The following HK3 variants were observed in gnomAD, a reference collection of about 807,000 sequenced individuals.
HK3 encodes hexokinase 3.
A neutral mutation model predicts 91.0 loss-of-function variants in HK3; 93 were observed. The ratio of observed to expected loss-of-function variants is 1.02; its 90% CI spans 0.86 to 1.21. The LOEUF (loss-of-function observed/expected upper bound fraction) is 1.21, where lower values mean the gene tolerates loss of function less well. HK3 is among the 50% of genes most tolerant of loss of function. HK3 has a pLI of 0.00. For synonymous variants in HK3, 519 were observed against 516.9 expected (o/e 1.00, Z -0.06); for missense variants, 1,235 against 1,247.4 (o/e 0.99, Z 0.15).
intron 6 of HK3, 148 bp from the exon 7 acceptor site, chr5:176,889,892 C>T (rs1361582725): frequency 3.0e-6 from 2 of 672,134 alleles, no homozygotes; most frequent in Non-Finnish European, 5.2e-6. Context: ...ATTTGTGCCA[C>T]AGATGCTCTG....
chr5:176,883,163 G>A (rs539822), intron 15 of HK3, among the ~76,000 whole-genome samples: 52,172 of 152,104 alleles, frequency 0.34, 12,640 homozygotes, highest in African/African-American at 0.69. Flanking sequence ...CTGAGTGGTC[G>A]GTTCTGAGAA....
rs61749652 is a variant in HK3, at chr5:176,888,821, G to A, written c.958C>T (p.Arg320Trp). The A allele has an allele frequency of 2.9e-5, 46 of 1,613,760 alleles. No individual in the cohort carries two copies. Among genetic ancestry groups the A allele is most frequent in the South Asian group, 4.4e-5 (4 of 91,048 alleles). ...IGGLYLGELV[R>W]LVLAHLARCG... The stretch of plus-strand genomic sequence containing the variant: ...CGGGCCAAGTGAGCCAGCACCAGCC[G>A]CACCAGCTCACCCAGGTACAGGCCT... Residue 320 changes from arginine (R) to tryptophan (W), a missense_variant, in exon 9 of 19, where the codon CGG becomes TGG. Physicochemically the swap from Arg to Trp is moderately radical, Grantham distance 101. Around this residue, in one of 3 missense-constraint regions of HK3, gnomAD observed 717 missense variants for 751.6 expected, o/e 0.95. Transcript: ENST00000292432.
In HK3 at chr5:176,881,187, C is replaced by T. The variant is rs1234625397; in HGVS notation, c.2658G>A (p.Arg886=). The T allele has an allele frequency of 6.2e-7, 1 of 1,613,160 alleles. No individual in the cohort carries two copies. The change falls in exon 19 of 19, where the codon CGG becomes CGA. Residue 886 remains arginine (R), a synonymous_variant. Transcript: ENST00000292432. The part of the protein sequence containing the change: ...RFSSLVAATV[R]ELAPRCVVTF... ...TGACCACACAGCGAGGGGCCAGCTC[C>T]CGCACTGTGGCCGCCACCAGGCTGG... is the stretch of plus-strand genomic sequence containing the variant.
chr5:176,888,770 T>C lies in HK3; in HGVS notation c.1009A>G (p.Thr337Ala), dbSNP rs1352816541. The part of the protein sequence containing the change: ...ARCGVLFGGC[T>A]SPALLSQGSI... ...CCTTGGCTCAGCAGGGCAGGGGAGGTGCAGCCACCAAAGAGGACCCCACAC... is the reference window on the plus strand; with the variant it reads ...CCTTGGCTCAGCAGGGCAGGGGAGGCGCAGCCACCAAAGAGGACCCCACAC... The change falls in exon 9 of 19, where the codon ACC (threonine) becomes GCC (alanine). Residue 337 changes from threonine to alanine, a missense_variant. Thr to Ala is a moderately conservative substitution (Grantham distance 58, BLOSUM62 0). Coordinates refer to ENST00000292432, the MANE Select transcript of HK3 (RefSeq NM_002115.3). 1.9e-6 allele frequency: 3 copies of C among 1,613,618 alleles called. No individual in the cohort carries two copies. In the African/African-American group the frequency reaches 4.0e-5, roughly 22 times the overall value.
At position 176,881,864 on chromosome 5, in the gene HK3, G is replaced by A; in HGVS notation, c.2238-17C>T. The A allele has an allele frequency of 1.2e-6, 2 of 1,606,878 alleles. No homozygotes were observed. Among genetic ancestry groups the A allele is most frequent in the Non-Finnish European group, 1.7e-6 (2 of 1,177,028 alleles). ...TTTTCAAACCTGCATGAACATGTGT[G>A]CACTCGGCAGAAGGCCCCACCAGCC... On this transcript the variant is annotated splice_polypyrimidine_tract_variant and intron_variant, in intron 16 of 18. Coordinates refer to ENST00000292432, the MANE Select transcript of HK3 (RefSeq NM_002115.3).
chr5:176,887,835 A>G lies in HK3; in HGVS notation c.1305-89T>C. 7.2e-7 allele frequency: 1 copy of G among 1,397,132 alleles called. No homozygotes were observed. Among genetic ancestry groups the G allele is most frequent in the Non-Finnish European group, 9.8e-7 (1 of 1,025,016 alleles). 86.5% of individuals were successfully genotyped at this position (1,397,132 alleles called of 1,614,324 possible). A position where few individuals can be genotyped will look rare whatever the true frequency, so the allele number is the denominator to read the frequency against. ...GGCTTGGCCCTGGACCCCCAGATACATACAGGTGTGCCCAGCTTGGCCCCA... is the reference window on the plus strand; with the variant it reads ...GGCTTGGCCCTGGACCCCCAGATACGTACAGGTGTGCCCAGCTTGGCCCCA... On this transcript the variant is annotated intron_variant, in intron 10 of 18. Coordinates refer to ENST00000292432, the MANE Select transcript of HK3 (RefSeq NM_002115.3). This position sits in a 1 kb window ranked among gnomAD's most constrained non-coding sequence, Gnocchi z 4.9.
At chr5:176,892,146 A>G (rs900142665) in intron 2 of HK3, among the ~76,000 whole-genome samples, 2 of 152,164 alleles carry the variant, frequency 1.3e-5, no homozygotes, top group African/African-American at 2.4e-5. Flanking sequence ...ACCACCCAAG[A>G]AGCAACAAAT....
chr5:176,884,126 G>T lies in HK3; in HGVS notation c.1866C>A (p.Leu622=). ...CRQLGLDQGI[L]LNWTKGFKAS... is the part of the protein sequence containing the mutation. ...CCTTGAAACCCTTGGTCCAGTTCAG[G>T]AGGATGCCCTGGGGTGAGACCGAGA... Residue 622 remains leucine (L), a synonymous_variant, in exon 14 of 19, where the codon CTC becomes CTA. Transcript: ENST00000292432. The surrounding 1 kb of genome is among the most constrained non-coding windows in gnomAD (Gnocchi z 4.1). The T allele has an allele frequency of 6.2e-7, 1 of 1,614,002 alleles. No homozygotes were observed. Among genetic ancestry groups the T allele is most frequent in the Non-Finnish European group, 8.5e-7 (1 of 1,179,960 alleles).
chr5:176,892,354 A>G lies in HK3; in HGVS notation c.97-804T>C, dbSNP rs142739017. 8.0e-3 allele frequency among the ~76,000 whole-genome samples: 1,226 copies of G among 152,306 alleles called. 13 individuals carry two copies. The highest frequency in any genetic ancestry group is 0.013 in the Non-Finnish European group (877 of 68,008). On this transcript the variant is annotated intron_variant, in intron 2 of 18. Coordinates refer to ENST00000292432, the MANE Select transcript of HK3 (RefSeq NM_002115.3). The stretch of plus-strand genomic sequence containing the variant: ...TCTAAATGAAGGAAGGGAACAAGCC[A>G]TTCGAAGATCCAGGGGAAGAGCAAG...
At chr5:176,898,144 G>A (rs1049942760) in intron 1 of HK3, among the ~76,000 whole-genome samples, 9 of 152,042 alleles carry the variant, frequency 5.9e-5, no homozygotes, top group Non-Finnish European at 7.4e-5. Flanking sequence ...ACCATCCTCC[G>A]GCCTGATTAT....
At position 176,887,768 on chromosome 5, in the gene HK3, C is replaced by T; in HGVS notation, c.1305-22G>A. 1 of 1,579,684 alleles carries T rather than the reference C, an allele frequency of 6.3e-7. No homozygotes were observed. Among genetic ancestry groups the T allele is most frequent in the Non-Finnish European group, 8.6e-7 (1 of 1,158,818 alleles). The stretch of plus-strand genomic sequence containing the variant: ...GAACCTACAGATACATACAGGTGCA[C>T]CCGGCTTGGCCCTGGACCCCCAGAC... On this transcript the variant is annotated intron_variant, in intron 10 of 18. Transcript: ENST00000292432. This position sits in a 1 kb window ranked among gnomAD's most constrained non-coding sequence, Gnocchi z 4.9.
chr5:176,881,331 C>T lies in HK3; in HGVS notation c.2598G>A (p.Val866=). Residue 866 remains valine (V), a synonymous_variant, in exon 18 of 19, where the codon GTG becomes GTA. Transcript: ENST00000292432. ...GLEELAVSVG[V]DGTLYKLHPR... ...GGTGCAGCTTGTAGAGCGTTCCATC[C>T]ACCCCCACAGACACTGCCAGCTCTT... is the stretch of plus-strand genomic sequence containing the variant. 4.3e-6 allele frequency: 7 copies of T among 1,613,998 alleles called. No individual in the cohort carries two copies. The highest frequency in any genetic ancestry group is 5.9e-6 in the Non-Finnish European group (7 of 1,180,006).
intron 14 of HK3, 45 bp downstream of exon 14, chr5:176,883,994 C>T (rs1366817380): frequency 1.9e-6 from 3 of 1,600,542 alleles, no homozygotes; most frequent in Non-Finnish European, 1.7e-6. Context: ...TTGCTCCCCT[C>T]AAGGCCTGCC....
At chr5:176,892,675 G>A (rs1325496800) in intron 2 of HK3, among the ~76,000 whole-genome samples, 1 of 152,142 alleles carries the variant, frequency 6.6e-6, no homozygotes, top group African/African-American at 2.4e-5. Context: ...TGTCACACAG[G>A]AGTTCCATTT....
intron 2 of HK3, among the ~76,000 whole-genome samples, chr5:176,895,098 G>A (rs4976663): frequency 2.5e-5 from 2 of 80,816 alleles, no homozygotes; most frequent in South Asian, 3.9e-4. Flanking sequence ...TTTTTTTTGA[G>A]ATGGAGTTTT....
At chr5:176,888,061 G>A (rs2149375307) in intron 10 of HK3, among the ~76,000 whole-genome samples, 1 of 152,216 alleles carries the variant, frequency 6.6e-6, no homozygotes, top group East Asian at 1.9e-4. Flanking sequence ...ACCATAGCCA[G>A]CCTCCCCTAT....
intron 2 of HK3, among the ~76,000 whole-genome samples, chr5:176,895,182 G>A (rs957633243): frequency 2.7e-5 from 4 of 148,196 alleles, no homozygotes; most frequent in Non-Finnish European, 4.5e-5. Context: ...GGGTTCGAGC[G>A]ATTCTCCTGC....
In HK3 at chr5:176,890,855, G is replaced by T. The variant is rs1439805256; in HGVS notation, c.501C>A (p.Phe167Leu). ...AGCCCGTCTGGTGACAAGGGAAAGA[G>T]AAGCTGAAGCCAAGCTGCAGACCCT... Reference protein sequence around the residue: ...NKQGLQLGFSFSFPCHQTGLD... With the variant: ...NKQGLQLGFSLSFPCHQTGLD... Residue 167 changes from phenylalanine to leucine, a missense_variant, in exon 5 of 19, where the codon TTC (phenylalanine) becomes TTA (leucine). Phe to Leu is a conservative substitution (Grantham distance 22). Around this residue, in one of 3 missense-constraint regions of HK3, gnomAD observed 717 missense variants for 751.6 expected, o/e 0.95. Coordinates refer to ENST00000292432, the MANE Select transcript of HK3 (RefSeq NM_002115.3). 1 of 1,614,146 alleles carries T rather than the reference G, an allele frequency of 6.2e-7. No individual in the cohort carries two copies. Among genetic ancestry groups the T allele is most frequent in the South Asian group, 1.1e-5 (1 of 91,076 alleles).
chr5:176,898,306 G>A (rs937704687), intron 1 of HK3, among the ~76,000 whole-genome samples: 1 of 152,194 alleles, frequency 6.6e-6, no homozygotes, highest in Non-Finnish European at 1.5e-5. Context: ...AGGGGAGTGG[G>A]TAGTTTTTTA....
Sources: gnomAD v4.1 joint callset for allele counts (sites outside exome capture counted in the v4.1 genomes callset) on GRCh38, gnomAD v4.1.1 for gene constraint, gnomAD v4.1.1 regional missense constraint, Gnocchi (gnomAD v3.1) non-coding constraint, MANE v1.5 for transcripts, NCBI Gene and HGNC (gene_info 2026-07-23, HGNC 2026-07-21) for gene names.